Variants in SNX30 observed in about 807,000 individuals in gnomAD.
The protein encoded by SNX30 is sorting nexin family member 30.
Under a neutral mutation model 46.4 loss-of-function variants are expected in SNX30, and 24 were observed. The observed-to-expected ratio is 0.52, with a 90% confidence interval of 0.37 to 0.73. SNX30 has a LOEUF of 0.73. Among genes scored for constraint, SNX30 ranks in the 30% least tolerant of loss-of-function variants. The probability of loss-of-function intolerance (pLI) is 0.00; values close to 1 mark genes in which losing one functional copy is unlikely to be tolerated. For missense variants in SNX30, 533 were observed against 555.7 expected (o/e 0.96, Z 0.41); for synonymous variants, 189 against 211.5 (o/e 0.89, Z 0.92).
chr9:112,838,051 C>T (rs10817392), intron 5 of SNX30, among the ~76,000 whole-genome samples: 26,461 of 151,106 alleles, frequency 0.18, 3,116 homozygotes, highest in African/African-American at 0.34. Flanking sequence ...CCACCACACC[C>T]GGCTAATTTT....
Position 112,860,157 on chromosome 9 carries a change from A to G in SNX30, c.1102-4090A>G, listed in dbSNP as rs897485962. Among the ~76,000 whole-genome samples the G allele has an allele frequency of 3.4e-4, 51 of 152,064 alleles. 1 individual carries two copies. The highest frequency in any genetic ancestry group is 3.4e-3 in the Middle Eastern group (1 of 292). ...CAGACAGGGTTTCACCGTGTTGGCC[A>G]GGGTGGTCTCGATCTCTTGACCTTG... On this transcript the variant is annotated intron_variant, in intron 7 of 8. Transcript: ENST00000374232.
intron 1 of SNX30, among the ~76,000 whole-genome samples, chr9:112,759,905 G>A (rs1839410192): frequency 1.3e-5 from 2 of 152,152 alleles, no homozygotes; most frequent in Admixed American, 1.3e-4. Flanking sequence ...GGAAGACCCA[G>A]CGAGTTCGTA....
chr9:112,854,108 T>G (rs10817398), intron 7 of SNX30, among the ~76,000 whole-genome samples: 120,883 of 152,186 alleles, frequency 0.79, 48,264 homozygotes, highest in South Asian at 0.87. Flanking sequence ...AATATGTTCA[T>G]CCCTATACAG....
intron 1 of SNX30, among the ~76,000 whole-genome samples, chr9:112,767,151 T>C (rs1839555896): frequency 1.3e-5 from 2 of 151,848 alleles, no homozygotes; most frequent in Admixed American, 1.3e-4. Context: ...GTAGTTATTC[T>C]AGAAAGTGTG....
intron 7 of SNX30, among the ~76,000 whole-genome samples, chr9:112,859,237 T>A (rs1841188110): frequency 6.6e-6 from 1 of 152,242 alleles, no homozygotes; most frequent in African/African-American, 2.4e-5. Flanking sequence ...TTTATCCATG[T>A]TGTAATGTGT....
intron 8 of SNX30, among the ~76,000 whole-genome samples, chr9:112,865,661 A>ATG (rs1277699270): frequency 0.02 from 2,089 of 105,500 alleles, 142 homozygotes; most frequent in Non-Finnish European, 0.027. Context: ...ATATATATAT[A>ATG]TGTATGTATG....
intron 5 of SNX30, among the ~76,000 whole-genome samples, chr9:112,836,784 G>T (rs1198278741): frequency 6.6e-6 from 1 of 152,224 alleles, no homozygotes; most frequent in Non-Finnish European, 1.5e-5. Flanking sequence ...GCAGAAAGAT[G>T]GTTCAGAAAG....
At chr9:112,823,388 C>T (rs543987348) in intron 3 of SNX30, among the ~76,000 whole-genome samples, 1 of 152,286 alleles carries the variant, frequency 6.6e-6, no homozygotes, top group African/African-American at 2.4e-5. Context: ...TTGAACAACT[C>T]CCCATTTCCC....
chr9:112,858,985 A>G (rs552839457), intron 7 of SNX30, among the ~76,000 whole-genome samples: 3 of 152,314 alleles, frequency 2.0e-5, no homozygotes, highest in African/African-American at 7.2e-5. Context: ...TTAAAAGTGT[A>G]CAGCTTAGTC....
Position 112,872,691 on chromosome 9 carries a change from T to C in SNX30, c.*3848T>C, listed in dbSNP as rs191546097. 6.6e-6 allele frequency: 1 copy of C among 152,338 alleles called. No individual in the cohort carries two copies. Among genetic ancestry groups the C allele is most frequent in the Admixed American group, 6.5e-5 (1 of 15,288 alleles). The allele number at this position is 152,338 out of a possible 1,614,324, so 9.4% of individuals were successfully genotyped here. On this transcript the variant is annotated 3_prime_UTR_variant, in exon 9 of 9. Coordinates refer to ENST00000374232, the MANE Select transcript of SNX30 (RefSeq NM_001012994.2). ...CTGTGGAAACTGGGTGATCCAATTA[T>C]AGGGCTGGGGCAACCCTGCTTTGGC...
chr9:112,763,651 C>T (rs1839480735), intron 1 of SNX30, among the ~76,000 whole-genome samples: 1 of 151,678 alleles, frequency 6.6e-6, no homozygotes, highest in Non-Finnish European at 1.5e-5. Context: ...GAGATCGAGA[C>T]CATCCTGGCC....
Position 112,781,949 on chromosome 9 carries a change from A to G in SNX30, c.157-22827A>G, listed in dbSNP as rs933325293. ...GAGCCACTGCGCCCCGCCCACCATT[A>G]GTTTTAAAAGTGATTTTTACATTTC... On this transcript the variant is annotated intron_variant, in intron 1 of 8. Coordinates refer to ENST00000374232, the MANE Select transcript of SNX30 (RefSeq NM_001012994.2). Among the ~76,000 whole-genome samples the G allele has an allele frequency of 2.6e-5, 4 of 152,030 alleles. No homozygotes were observed. In the East Asian group the frequency reaches 5.8e-4, roughly 22 times the overall value.
At chr9:112,863,027 A>G (rs904413209) in intron 7 of SNX30, among the ~76,000 whole-genome samples, 1 of 152,030 alleles carries the variant, frequency 6.6e-6, no homozygotes, top group Admixed American at 6.5e-5. Flanking sequence ...GCACATTCAA[A>G]TTCACTTGCC....
Position 112,872,389 on chromosome 9 carries a change from C to G in SNX30, c.*3546C>G, listed in dbSNP as rs1303018380. On this transcript the variant is annotated 3_prime_UTR_variant, in exon 9 of 9. Coordinates refer to ENST00000374232, the MANE Select transcript of SNX30 (RefSeq NM_001012994.2). ...GCTTTGAAATCACAGGCATTGGGCT[C>G]TGTTTTGACACCATTCATTGGACTG... The G allele has an allele frequency of 6.6e-6, 1 of 152,214 alleles. No individual in the cohort carries two copies. Among genetic ancestry groups the G allele is most frequent in the African/African-American group, 2.4e-5 (1 of 41,442 alleles). The allele number at this position is 152,214 out of a possible 1,614,324, so 9.4% of individuals were successfully genotyped here. A position where few individuals can be genotyped will look rare whatever the true frequency, so the allele number is the denominator to read the frequency against.
Position 112,817,710 on chromosome 9 carries a change from T to G in SNX30, c.354T>G (p.Thr118=). 6.3e-7 allele frequency: 1 copy of G among 1,594,398 alleles called. No homozygotes were observed. The highest frequency in any genetic ancestry group is 8.6e-7 in the Non-Finnish European group (1 of 1,162,072). Residue 118 remains threonine, a synonymous_variant, in exon 3 of 9, where the codon ACT becomes ACG. Coordinates refer to ENST00000374232, the MANE Select transcript of SNX30 (RefSeq NM_001012994.2). Reference sequence around the variant, plus strand: ...TTCCATTCTCTTCTTTGCAGAGTACTCGGGTGGAGTTTGACCTGCCAGAAT... The same window carrying G: ...TTCCATTCTCTTCTTTGCAGAGTACGCGGGTGGAGTTTGACCTGCCAGAAT... ...YITYRITTKS[T]RVEFDLPEYS...
At chr9:112,753,674 T>C (rs533858368) in intron 1 of SNX30, among the ~76,000 whole-genome samples, 67 of 152,364 alleles carry the variant, frequency 4.4e-4, no homozygotes, top group African/African-American at 1.6e-3. Flanking sequence ...TGAGCCACTG[T>C]GCCTGGCCTA....
At chr9:112,842,646 T>G (rs1175172231) in intron 6 of SNX30, among the ~76,000 whole-genome samples, 1 of 152,254 alleles carries the variant, frequency 6.6e-6, no homozygotes, top group Non-Finnish European at 1.5e-5. Flanking sequence ...CCAATCAGCT[T>G]GTAGCTGTGT....
At chr9:112,827,204 C>A (rs1023442164) in intron 3 of SNX30, among the ~76,000 whole-genome samples, 1 of 152,200 alleles carries the variant, frequency 6.6e-6, no homozygotes, top group Non-Finnish European at 1.5e-5. Flanking sequence ...GCCAGTCTTA[C>A]AACAAAGACA....
intron 5 of SNX30, among the ~76,000 whole-genome samples, chr9:112,836,722 C>G (rs1258409952): frequency 1.3e-5 from 2 of 152,226 alleles, no homozygotes; most frequent in East Asian, 3.8e-4. Flanking sequence ...CTCAACTGCC[C>G]TTCATCCATA....
Sources: gnomAD v4.1 joint callset for allele counts (sites outside exome capture counted in the v4.1 genomes callset) on GRCh38, gnomAD v4.1.1 for gene constraint, MANE v1.5 for transcripts, NCBI Gene and HGNC (gene_info 2026-07-23, HGNC 2026-07-21) for gene names.